FHIT: variants seen among roughly 807,000 people sequenced by gnomAD.
FHIT encodes fragile histidine triad diadenosine triphosphatase.
A neutral mutation model predicts 17.9 loss-of-function variants in FHIT; 19 were observed. That is an observed-to-expected ratio of 1.06 (90% CI 0.74 to 1.56). FHIT has a LOEUF of 1.56. FHIT is among the 40% of genes most tolerant of loss of function. The pLI, the probability that FHIT is intolerant of heterozygous loss-of-function variation, is 0.00. For synonymous variants in FHIT, 81 were observed against 69.7 expected, an observed-to-expected ratio of 1.16 and a Z score of -0.81; for missense variants, 248 against 189.2, an observed-to-expected ratio of 1.31 and a Z score of -1.82.
intron 4 of FHIT, among the ~76,000 whole-genome samples, chr3:60,576,849 T>A (rs1184664899): frequency 6.6e-6 from 1 of 151,912 alleles, no homozygotes; most frequent in Non-Finnish European, 1.5e-5. Flanking sequence ...CCCACTTTAT[T>A]AATATACATT....
chr3:61,163,576 C>A (rs2107104387), intron 2 of FHIT, among the ~76,000 whole-genome samples: 1 of 152,316 alleles, frequency 6.6e-6, no homozygotes, highest in South Asian at 2.1e-4. Context: ...CTCTAGCCTT[C>A]CTCTAAAGTG....
intron 5 of FHIT, among the ~76,000 whole-genome samples, chr3:60,280,380 C>T (rs768510514): frequency 6.6e-6 from 1 of 152,236 alleles, no homozygotes; most frequent in Non-Finnish European, 1.5e-5. Flanking sequence ...AAAATGTTAC[C>T]TTCTTTGAAA....
intron 3 of FHIT, among the ~76,000 whole-genome samples, chr3:60,967,873 C>A (rs1046829525): frequency 2.6e-5 from 4 of 152,094 alleles, no homozygotes; most frequent in African/African-American, 9.7e-5. Flanking sequence ...AGGGCTCAGC[C>A]ATATTCAAAT....
At chr3:59,764,863 AACACACACAC>A (rs57549363) in intron 8 of FHIT, among the ~76,000 whole-genome samples, 5,990 of 145,396 alleles carry the variant, frequency 0.041, 137 homozygotes, top group Middle Eastern at 0.082. Context: ...GGCAACTGCA[AACACACACAC>A]ACACACACAC....
chr3:60,647,846 C>A (rs559049432), intron 4 of FHIT, among the ~76,000 whole-genome samples: 1 of 152,298 alleles, frequency 6.6e-6, no homozygotes, highest in South Asian at 2.1e-4. Context: ...AGCTAGTAAT[C>A]TTGGGGATGA....
intron 3 of FHIT, among the ~76,000 whole-genome samples, chr3:61,002,954 G>C (rs1276354227): frequency 2.0e-5 from 3 of 152,070 alleles, no homozygotes; most frequent in African/African-American, 7.2e-5. Flanking sequence ...ACACTTTCTT[G>C]ACCCTGGCCC....
chr3:60,877,352 T>C (rs1045230300), intron 3 of FHIT, among the ~76,000 whole-genome samples: 1 of 152,176 alleles, frequency 6.6e-6, no homozygotes, highest in Non-Finnish European at 1.5e-5. Context: ...CAGTGAAAAC[T>C]GCTCTACCTG....
chr3:60,956,387 T>C (rs1377959797), intron 3 of FHIT, among the ~76,000 whole-genome samples: 1 of 152,046 alleles, frequency 6.6e-6, no homozygotes, highest in African/African-American at 2.4e-5. Context: ...AGATCCGAGG[T>C]TGAAACATTC....
intron 5 of FHIT, among the ~76,000 whole-genome samples, chr3:60,303,630 C>T (rs774592870): frequency 3.4e-4 from 52 of 152,154 alleles, no homozygotes; most frequent in Non-Finnish European, 6.2e-4. Context: ...ATGTGATTTT[C>T]TATGCTTCTC....
chr3:59,838,124 C>G (rs1186206722), intron 8 of FHIT, among the ~76,000 whole-genome samples: 2 of 152,124 alleles, frequency 1.3e-5, no homozygotes, highest in Non-Finnish European at 2.9e-5. Flanking sequence ...TTTTGAAAAG[C>G]CTCCACCCCT....
intron 5 of FHIT, among the ~76,000 whole-genome samples, chr3:60,494,168 A>G (rs2034190734): frequency 6.6e-6 from 1 of 152,138 alleles, no homozygotes; most frequent in African/African-American, 2.4e-5. Flanking sequence ...TGTTTTCATC[A>G]TCCCAAAAGA....
intron 7 of FHIT, among the ~76,000 whole-genome samples, chr3:59,963,160 G>A (rs183643146): frequency 4.7e-4 from 71 of 152,158 alleles, no homozygotes; most frequent in African/African-American, 1.7e-3. Flanking sequence ...CCAGCTACTT[G>A]GGAGGCTGAG....
chr3:60,635,168 T>G (rs902867126), intron 4 of FHIT, among the ~76,000 whole-genome samples: 1 of 152,234 alleles, frequency 6.6e-6, no homozygotes, highest in Non-Finnish European at 1.5e-5. Context: ...TGTTCCTTAT[T>G]ATCTATAATA....
rs556482590 is a variant in FHIT, at chr3:60,092,194, A to G, written c.104-78042T>C. Among the ~76,000 whole-genome samples, 5 of 152,350 alleles carry G rather than the reference A, an allele frequency of 3.3e-5. No individual in the cohort carries two copies. The East Asian group carries it at 7.7e-4, about 24-fold the overall frequency. On this transcript the variant is annotated intron_variant, in intron 5 of 9. Coordinates refer to ENST00000492590, the MANE Select transcript of FHIT (RefSeq NM_002012.4). ...ACATCTGTTAAATGAATGAAAATGA[A>G]TGAAAGAATAAATGATTATACAGTG...
intron 4 of FHIT, among the ~76,000 whole-genome samples, chr3:60,644,761 T>C (rs1206664529): frequency 3.9e-5 from 6 of 152,162 alleles, no homozygotes; most frequent in African/African-American, 1.4e-4. Flanking sequence ...TCCACAACCA[T>C]GTTGCTTTTG....
At chr3:60,977,688 A>G (rs2107545223) in intron 3 of FHIT, among the ~76,000 whole-genome samples, 1 of 152,204 alleles carries the variant, frequency 6.6e-6, no homozygotes, top group South Asian at 2.1e-4. Flanking sequence ...GCTGACCAAC[A>G]TAGAGAAACC....
chr3:60,549,967 T>C (rs1348156248), intron 4 of FHIT, among the ~76,000 whole-genome samples: 1 of 152,152 alleles, frequency 6.6e-6, no homozygotes, highest in South Asian at 2.1e-4. Context: ...ACGAATGTCT[T>C]TGGGGGATGT....
At chr3:60,705,219 C>T (rs1577090486) in intron 4 of FHIT, among the ~76,000 whole-genome samples, 2 of 152,036 alleles carry the variant, frequency 1.3e-5, no homozygotes, top group African/African-American at 4.8e-5. Context: ...TTTATCCTCA[C>T]AGTAAATCCA....
At chr3:59,916,060 G>T (rs1427731323) in intron 8 of FHIT, among the ~76,000 whole-genome samples, 1 of 152,132 alleles carries the variant, frequency 6.6e-6, no homozygotes, top group Non-Finnish European at 1.5e-5. Flanking sequence ...TGTCTATGAG[G>T]ATATTGCCAA....
Sources: gnomAD v4.1 joint callset for allele counts (sites outside exome capture counted in the v4.1 genomes callset) on GRCh38, gnomAD v4.1.1 for gene constraint, MANE v1.5 for transcripts, NCBI Gene and HGNC (gene_info 2026-07-23, HGNC 2026-07-21) for gene names.